The following SNPH variants were observed in gnomAD, a reference collection of about 807,000 sequenced individuals.
SNPH encodes syntaphilin.
Under a neutral mutation model 36.8 loss-of-function variants are expected in SNPH, and 10 were observed. The observed-to-expected ratio is 0.27, with a 90% CI of 0.17 to 0.46. The LOEUF is 0.46. Among genes scored for constraint, SNPH ranks in the 20% least tolerant of loss-of-function variants. The pLI is 1.00. For missense variants in SNPH, 622 were observed against 744.0 expected (o/e 0.84, Z 1.91); for synonymous variants, 281 against 312.2 (o/e 0.90, Z 1.05).
At chr20:1,292,341 G>A (rs187144135) in intron 2 of SNPH, among the ~76,000 whole-genome samples, 10 of 152,290 alleles carry the variant, frequency 6.6e-5, no homozygotes, top group African/African-American at 1.4e-4. Flanking sequence ...GTGACTAGCC[G>A]AGGTCTCCTG....
intron 4 of SNPH, 118 bp downstream of exon 4, chr20:1,296,539 A>C: frequency 2.3e-6 from 2 of 854,236 alleles, no homozygotes; most frequent in Non-Finnish European, 3.6e-6. Flanking sequence ...TCCCATTCCC[A>C]TCTTTAAAAT....
rs2088449803 is a variant in SNPH at position 1,297,244 on chromosome 20, C to A, written c.282C>A (p.Pro94=). The part of the protein sequence containing the change: ...SGSYKGSDSS[P]TPRRSMKYTL... ...CCTACAAGGGCAGTGACAGCAGTCCCACGCCAAGGTAATTGGCCCCTCCTC... is the reference window on the plus strand; with the variant it reads ...CCTACAAGGGCAGTGACAGCAGTCCAACGCCAAGGTAATTGGCCCCTCCTC... Residue 94 remains proline, a synonymous_variant, in exon 5 of 7, where the codon CCC becomes CCA. Transcript: ENST00000381867. The A allele has an allele frequency of 6.2e-7, 1 of 1,613,590 alleles. No individual in the cohort carries two copies. Among genetic ancestry groups the A allele is most frequent in the Non-Finnish European group, 8.5e-7 (1 of 1,179,892 alleles).
In SNPH at chr20:1,276,250, G is replaced by C. The variant is rs4813073; in HGVS notation, c.-493+9490G>C. ...GGGGGGCTCCTCACTCTGGGGCCGT[G>C]TGTTTGAGAGAGAAGCCCTCAGAGG... On this transcript the variant is annotated intron_variant, in intron 2 of 6. Coordinates refer to ENST00000381867, the MANE Select transcript of SNPH (RefSeq NM_001318234.2). This position sits in a 1 kb window ranked among gnomAD's most constrained non-coding sequence, Gnocchi z 4.6. Among the ~76,000 whole-genome samples the C allele has an allele frequency of 0.065, 9,827 of 152,264 alleles. 448 individuals are homozygous for C. The highest frequency in any genetic ancestry group is 0.12 in the Admixed American group (1,827 of 15,302).
chr20:1,305,471 A>T lies in SNPH; in HGVS notation c.1034A>T (p.Glu345Val). ...TATGAGAAGCTGCTGTGTGGCATGG[A>T]GGCTGGTGTGCAGGCCAGCTGCATG... ...NTYEKLLCGM[E>V]AGVQASCMQE... Residue 345 changes from glutamate to valine, a missense_variant, in exon 7 of 7, where the codon GAG (glutamate) becomes GTG (valine). Glu to Val is a moderately radical substitution (Grantham distance 121). Transcript: ENST00000381867. The T allele has an allele frequency of 6.2e-7, 1 of 1,613,238 alleles. No homozygotes were observed. The highest frequency in any genetic ancestry group is 8.5e-7 in the Non-Finnish European group (1 of 1,180,034).
chr20:1,270,868 G>A (rs896326661), intron 2 of SNPH, among the ~76,000 whole-genome samples: 5 of 152,160 alleles, frequency 3.3e-5, no homozygotes, highest in African/African-American at 9.7e-5. Flanking sequence ...CTGGCCTAAC[G>A]GGGATTGCAT....
rs1358567804 is a variant in SNPH at position 1,294,885 on chromosome 20, C to T, written c.-492-66C>T. 6.6e-6 allele frequency: 1 copy of T among 152,590 alleles called. No homozygotes were observed. Among genetic ancestry groups the T allele is most frequent in the Non-Finnish European group, 1.5e-5 (1 of 68,054 alleles). The allele number at this position is 152,590 out of a possible 1,614,324, so 9.5% of individuals were successfully genotyped here. ...CACCTGGGATGTGACTTGGCCAAGT[C>T]CCTTCCCTCTCGGTGGCTCGATTCC... On this transcript the variant is annotated intron_variant, in intron 2 of 6. Coordinates refer to ENST00000381867, the MANE Select transcript of SNPH (RefSeq NM_001318234.2). The surrounding 1 kb of genome is among the most constrained non-coding windows in gnomAD (Gnocchi z 4.4).
At chr20:1,283,979 A>G (rs1392470295) in intron 2 of SNPH, among the ~76,000 whole-genome samples, 2 of 152,180 alleles carry the variant, frequency 1.3e-5, no homozygotes, top group African/African-American at 4.8e-5. Context: ...GGCTTGCTGT[A>G]TATGCTCAGC....
chr20:1,267,862 C>A (rs2088027123), intron 2 of SNPH, among the ~76,000 whole-genome samples: 4 of 152,200 alleles, frequency 2.6e-5, no homozygotes, highest in African/African-American at 7.2e-5. Flanking sequence ...TTCCCTTCCC[C>A]CAGCCTCAGT....
chr20:1,283,306 T>C lies in SNPH; in HGVS notation c.-492-11645T>C, dbSNP rs1176931643. On this transcript the variant is annotated intron_variant, in intron 2 of 6. Coordinates refer to ENST00000381867, the MANE Select transcript of SNPH (RefSeq NM_001318234.2). ...GGGGTTGCAGTCCTGGCCCCACTCC[T>C]GATTTACTGGGGGCCTTGGGCAAGT... Among the ~76,000 whole-genome samples the C allele has an allele frequency of 2.0e-5, 3 of 152,192 alleles. No homozygotes were observed. In the East Asian group the frequency reaches 5.8e-4, roughly 29 times the overall value.
intron 2 of SNPH, among the ~76,000 whole-genome samples, chr20:1,287,559 T>C (rs1173991667): frequency 2.0e-5 from 3 of 152,180 alleles, no homozygotes; most frequent in African/African-American, 7.2e-5. Flanking sequence ...TCAGTTTCTT[T>C]CTCTATAGAA....
intron 4 of SNPH, 175 bp from the exon 5 acceptor site, chr20:1,296,970 T>C (rs2088443760): frequency 1.2e-6 from 1 of 829,196 alleles, no homozygotes; most frequent in Non-Finnish European, 1.5e-6. Flanking sequence ...TCCATCTTGA[T>C]TTGCACTGTC....
intron 3 of SNPH, among the ~76,000 whole-genome samples, chr20:1,295,255 G>A (rs2122388357): frequency 6.6e-6 from 1 of 152,218 alleles, no homozygotes; most frequent in South Asian, 2.1e-4. Flanking sequence ...CCTCACGACA[G>A]CCAAAATCCA....
At chr20:1,293,164 T>G (rs986494282) in intron 2 of SNPH, among the ~76,000 whole-genome samples, 2 of 152,216 alleles carry the variant, frequency 1.3e-5, no homozygotes, top group Non-Finnish European at 2.9e-5. Context: ...GTGCCAGAGC[T>G]GGCATTTGAG....
intron 2 of SNPH, among the ~76,000 whole-genome samples, chr20:1,292,391 G>C (rs1274084979): frequency 2.0e-5 from 3 of 152,172 alleles, no homozygotes. Context: ...GTAGATGAGA[G>C]GGCCTTAAGC....
intron 2 of SNPH, among the ~76,000 whole-genome samples, chr20:1,290,804 C>A (rs568104753): frequency 4.3e-4 from 65 of 152,324 alleles, no homozygotes; most frequent in Non-Finnish European, 8.4e-4. Flanking sequence ...ATTTTACATC[C>A]CCACCAGCAA....
rs3038999 is a variant in SNPH, at chr20:1,298,804, TTGTGTGTGTGTGTGTG to T, written c.290+1578_290+1593del. On this transcript the variant is annotated intron_variant, in intron 5 of 6. Coordinates refer to ENST00000381867, the MANE Select transcript of SNPH (RefSeq NM_001318234.2). ...CGTCACAGCGTATTTTTTTTCTAAT[TTGTGTGTGTGTGTGTG>T]TGTGTGTGTGTGTGTGTGTGTGTGT... Among the ~76,000 whole-genome samples the T allele has an allele frequency of 6.0e-4, 85 of 141,206 alleles. 1 individual carries two copies. Among genetic ancestry groups the T allele is most frequent in the African/African-American group, 1.4e-3 (55 of 38,030 alleles). 92.6% of individuals were successfully genotyped at this position (141,206 alleles called of 152,430 possible).
At position 1,285,304 on chromosome 20, in the gene SNPH, G is replaced by C. The variant is rs980687232; in HGVS notation, c.-492-9647G>C. 1.3e-5 allele frequency among the ~76,000 whole-genome samples: 2 copies of C among 152,150 alleles called. No homozygotes were observed. Among genetic ancestry groups the C allele is most frequent in the Non-Finnish European group, 2.9e-5 (2 of 68,024 alleles). ...TCCTGTTGTTTGGTAGACAATGACC[G>C]GTTTAGGGTTTTTCTTTCCTTTTCT... On this transcript the variant is annotated intron_variant, in intron 2 of 6. Transcript: ENST00000381867. The surrounding 1 kb of genome is among the most constrained non-coding windows in gnomAD (Gnocchi z 4.9).
chr20:1,273,624 G>A (rs186567381), intron 2 of SNPH, among the ~76,000 whole-genome samples: 2 of 152,114 alleles, frequency 1.3e-5, no homozygotes, highest in Admixed American at 6.5e-5. Flanking sequence ...TGAGTATGAG[G>A]TGCTAGCCCT....
At chr20:1,280,727 G>A (rs1017686112) in intron 2 of SNPH, among the ~76,000 whole-genome samples, 4 of 152,280 alleles carry the variant, frequency 2.6e-5, no homozygotes, top group South Asian at 2.1e-4. Flanking sequence ...TCCCTCAGGG[G>A]CCCTCTTCCT....
Sources: allele counts gnomAD v4.1 joint callset (sites outside exome capture counted in the v4.1 genomes callset), GRCh38; gene constraint gnomAD v4.1.1; non-coding constraint Gnocchi (gnomAD v3.1); transcripts MANE v1.5; gene names NCBI Gene and HGNC (gene_info 2026-07-23, HGNC 2026-07-21).